The following ZNF697 variants were observed in gnomAD, a reference collection of about 807,000 sequenced individuals.
ZNF697 encodes zinc finger protein 697.
Under a neutral mutation model 32.4 loss-of-function variants are expected in ZNF697, and 23 were observed. The observed-to-expected ratio is 0.71, with a 90% CI of 0.51 to 1.01. ZNF697 has a LOEUF of 1.01. Ranked by LOEUF, ZNF697 falls within the 50% of genes least tolerant of loss-of-function variation. The probability of loss-of-function intolerance (pLI) is 0.00; values close to 1 mark genes in which losing one functional copy is unlikely to be tolerated. For synonymous variants in ZNF697, 418 were observed against 337.2 expected (o/e 1.24, Z -2.62); for missense variants, 930 against 794.0 (o/e 1.17, Z -2.06).
Position 119,622,411 on chromosome 1 carries a change from T to TCAAGGTCCA in ZNF697, c.*293_*294insTGGACCTTG. The TCAAGGTCCA allele has an allele frequency of 2.5e-6, 1 of 392,672 alleles. No homozygotes were observed. The highest frequency in any genetic ancestry group is 4.3e-6 in the Non-Finnish European group (1 of 232,860). 24.3% of individuals were successfully genotyped at this position (392,672 alleles called of 1,614,324 possible). ...ACCCCAGCCCACGAACTGCCCTTCCTCAAAGTGCCTGGTCCTCCAAGCTCT... is the reference window on the plus strand; with the variant it reads ...ACCCCAGCCCACGAACTGCCCTTCCTCAAGGTCCACAAAGTGCCTGGTCCTCCAAGCTCT... On this transcript the variant is annotated 3_prime_UTR_variant, in exon 3 of 3. Transcript: ENST00000421812.
intron 2 of ZNF697, 41 bp from the exon 3 acceptor site, chr1:119,624,157 G>C (rs943946682): frequency 2.6e-6 from 4 of 1,514,496 alleles, no homozygotes; most frequent in Non-Finnish European, 3.5e-6. Context: ...TACTATACTT[G>C]GCATTCAAAA....
chr1:119,635,149 G>A (rs1228885244), intron 1 of ZNF697, among the ~76,000 whole-genome samples: 2 of 152,066 alleles, frequency 1.3e-5, no homozygotes, highest in Non-Finnish European at 2.9e-5. Context: ...TTTTGAAATG[G>A]ATAATTATAT....
At chr1:119,638,206 G>A (rs1332745695) in intron 1 of ZNF697, among the ~76,000 whole-genome samples, 1 of 152,052 alleles carries the variant, frequency 6.6e-6, no homozygotes, top group Non-Finnish European at 1.5e-5. Flanking sequence ...AATCTTACAG[G>A]CTATTGGGAA....
At chr1:119,638,921 A>G (rs1420410435) in intron 1 of ZNF697, among the ~76,000 whole-genome samples, 2 of 152,204 alleles carry the variant, frequency 1.3e-5, no homozygotes, top group Admixed American at 1.3e-4. Context: ...TGCCACTGAC[A>G]TATGGTGTGC....
rs1215696692 is a variant in ZNF697, at chr1:119,620,976, C to G, written c.*1729G>C. On this transcript the variant is annotated 3_prime_UTR_variant, in exon 3 of 3. Coordinates refer to ENST00000421812, the MANE Select transcript of ZNF697 (RefSeq NM_001080470.2). The stretch of plus-strand genomic sequence containing the variant: ...ATCACTAGAGAAGAAAACAATACTG[C>G]TTTCCACAACTCTAACTTCTAAAGG... 6.6e-6 allele frequency: 1 copy of G among 151,202 alleles called. No individual in the cohort carries two copies. The highest frequency in any genetic ancestry group is 6.6e-5 in the Admixed American group (1 of 15,240). The allele number at this position is 151,202 out of a possible 1,614,324, so 9.4% of individuals were successfully genotyped here.
intron 1 of ZNF697, among the ~76,000 whole-genome samples, chr1:119,632,453 G>T (rs1221450197): frequency 6.6e-6 from 1 of 152,206 alleles, no homozygotes; most frequent in East Asian, 1.9e-4. Context: ...CTGCCTTGTG[G>T]TTACTGCTTT....
At chr1:119,631,870 C>T (rs953197964) in intron 1 of ZNF697, among the ~76,000 whole-genome samples, 1 of 152,252 alleles carries the variant, frequency 6.6e-6, no homozygotes, top group African/African-American at 2.4e-5. Flanking sequence ...GGCTTCCTCC[C>T]TCCTCTTCCC....
chr1:119,645,208 G>A (rs924807284), intron 1 of ZNF697, among the ~76,000 whole-genome samples: 2 of 152,138 alleles, frequency 1.3e-5, no homozygotes, highest in African/African-American at 4.8e-5. Context: ...ACATGTCCTA[G>A]GTGCTTTATT....
chr1:119,623,348 A>G lies in ZNF697; in HGVS notation c.995T>C (p.Leu332Pro). 4 of 1,408,134 alleles carry G rather than the reference A, an allele frequency of 2.8e-6. No individual in the cohort carries two copies. The highest frequency in any genetic ancestry group is 3.7e-6 in the Non-Finnish European group (4 of 1,084,492). The allele number at this position is 1,408,134 out of a possible 1,614,324, so 87.2% of individuals were successfully genotyped here. ...CGEAFSLSSH[L>P]LSHRRAHAAA... ...CGCGTGCGCGCGCCGGTGGCTCAAC[A>G]GATGCGAGCTGAGGCTGAAGGCCTC... Residue 332 changes from leucine to proline, a missense_variant, in exon 3 of 3, where the codon CTG becomes CCG. By Grantham distance (98) the Leu-to-Pro change is moderately conservative. Coordinates refer to ENST00000421812, the MANE Select transcript of ZNF697 (RefSeq NM_001080470.2).
chr1:119,623,032 G>C lies in ZNF697; in HGVS notation c.1311C>G (p.Tyr437Ter). The change falls in exon 3 of 3, where the codon TAC becomes TAG. Residue 437 changes from tyrosine (Y) to a stop codon, truncating the protein, a stop_gained. Transcript: ENST00000421812. LOFTEE classifies it high-confidence loss of function. The stretch of plus-strand genomic sequence containing the variant: ...AGCCCTTCCCGCACTCGCGGCACAC[G>C]TAGGGCCGCTCACCCGAGTGCGTGC... Reference protein sequence around the residue: ...HKRTHSGERPYVCRECGKGFG... With the variant: ...HKRTHSGERP The C allele has an allele frequency of 6.3e-7, 1 of 1,592,052 alleles. No individual in the cohort carries two copies. Among genetic ancestry groups the C allele is most frequent in the African/African-American group, 1.3e-5 (1 of 74,568 alleles).
chr1:119,641,552 G>A (rs946312128), intron 1 of ZNF697, among the ~76,000 whole-genome samples: 2 of 152,152 alleles, frequency 1.3e-5, no homozygotes, highest in African/African-American at 4.8e-5. Flanking sequence ...ATATGCAGAT[G>A]GCAAATAGGC....
At chr1:119,624,190 G>A in intron 2 of ZNF697, 74 bp from the exon 3 acceptor site, 1 of 1,467,490 alleles carries the variant, frequency 6.8e-7, no homozygotes, top group Non-Finnish European at 9.1e-7. Context: ...GGAAACCTCA[G>A]TAATAAAACT....
At chr1:119,630,888 G>A (rs1253200176) in intron 1 of ZNF697, among the ~76,000 whole-genome samples, 5 of 152,160 alleles carry the variant, frequency 3.3e-5, no homozygotes, top group African/African-American at 1.2e-4. Context: ...AAGAGGAAGG[G>A]AGGGAATGAG....
chr1:119,627,975 A>G (rs1648644949), intron 1 of ZNF697, among the ~76,000 whole-genome samples: 1 of 149,398 alleles, frequency 6.7e-6, no homozygotes, highest in East Asian at 2.0e-4. Flanking sequence ...TGCATATATA[A>G]TACACCTGAA....
At position 119,621,676 on chromosome 1, in the gene ZNF697, G is replaced by C. The variant is rs1314909996; in HGVS notation, c.*1029C>G. On this transcript the variant is annotated 3_prime_UTR_variant, in exon 3 of 3. Transcript: ENST00000421812. Reference sequence around the variant, plus strand: ...AAGTGAAGGCAAATGAGACCAAGGAGTCTCGCATCCCAAAAAAGTGAACAC... The same window carrying C: ...AAGTGAAGGCAAATGAGACCAAGGACTCTCGCATCCCAAAAAAGTGAACAC... The C allele has an allele frequency of 6.6e-6, 1 of 152,236 alleles. No homozygotes were observed. The highest frequency in any genetic ancestry group is 1.5e-5 in the Non-Finnish European group (1 of 68,028). 9.4% of individuals were successfully genotyped at this position (152,236 alleles called of 1,614,324 possible). A position where few individuals can be genotyped will look rare whatever the true frequency, so the allele number is the denominator to read the frequency against.
rs985441041 is a variant in ZNF697 at position 119,620,553 on chromosome 1, A to C, written c.*2152T>G. 5.2e-5 allele frequency: 8 copies of C among 152,698 alleles called. No homozygotes were observed. The highest frequency in any genetic ancestry group is 1.4e-4 in the African/African-American group (6 of 41,476). 9.5% of individuals were successfully genotyped at this position (152,698 alleles called of 1,614,324 possible). A position where few individuals can be genotyped will look rare whatever the true frequency, so the allele number is the denominator to read the frequency against. ...ATTTTCAGGTGGGTCTAATATGTTTAGTATTCAGATTACAAATCAGAATTC... is the reference window on the plus strand; with the variant it reads ...ATTTTCAGGTGGGTCTAATATGTTTCGTATTCAGATTACAAATCAGAATTC... On this transcript the variant is annotated 3_prime_UTR_variant, in exon 3 of 3. Transcript: ENST00000421812.
chr1:119,624,454 T>C (rs912352987), intron 2 of ZNF697, among the ~76,000 whole-genome samples: 2 of 152,228 alleles, frequency 1.3e-5, no homozygotes, highest in Non-Finnish European at 2.9e-5. Context: ...GGTGGGACAC[T>C]ACGTAAGATC....
intron 1 of ZNF697, among the ~76,000 whole-genome samples, chr1:119,637,377 G>C (rs1291529205): frequency 6.6e-6 from 1 of 152,230 alleles, no homozygotes; most frequent in Non-Finnish European, 1.5e-5. Context: ...AAGTTGTATA[G>C]ATGTGGGCCC....
chr1:119,645,342 C>G (rs888435378), intron 1 of ZNF697, among the ~76,000 whole-genome samples: 2 of 152,116 alleles, frequency 1.3e-5, no homozygotes, highest in African/African-American at 4.8e-5. Context: ...TTCATGTTTT[C>G]AAATCAAACA....
Sources: allele counts gnomAD v4.1 joint callset (sites outside exome capture counted in the v4.1 genomes callset), GRCh38; gene constraint gnomAD v4.1.1; transcripts MANE v1.5; gene names NCBI Gene and HGNC (gene_info 2026-07-23, HGNC 2026-07-21).